Variants in GRIN2A observed in about 807,000 individuals in gnomAD.
GRIN2A encodes glutamate receptor ionotropic, NMDA 2A.
GRIN2A carries 22 observed loss-of-function variants against 113.4 expected under a neutral mutation model. That is an observed-to-expected ratio of 0.19 (90% CI 0.14 to 0.28). The LOEUF (loss-of-function observed/expected upper bound fraction) is 0.28, where lower values mean the gene tolerates loss of function less well. Ranked by LOEUF, GRIN2A falls within the 10% of genes least tolerant of loss-of-function variation. The pLI, the probability that GRIN2A is intolerant of heterozygous loss-of-function variation, is 1.00. For missense variants in GRIN2A, 1,502 were observed against 1,887.0 expected, an observed-to-expected ratio of 0.80 and a Z score of 3.78; for synonymous variants, 827 against 738.4, an observed-to-expected ratio of 1.12 and a Z score of -1.94.
At chr16:9,921,749 A>G (rs1460404800) in intron 3 of GRIN2A, among the ~76,000 whole-genome samples, 2 of 152,172 alleles carry the variant, frequency 1.3e-5, no homozygotes, top group East Asian at 1.9e-4. Context: ...ATCTTCATCA[A>G]TCATGATCAC....
chr16:9,772,410 C>T (rs1311343750), intron 11 of GRIN2A, among the ~76,000 whole-genome samples: 2 of 152,138 alleles, frequency 1.3e-5, no homozygotes, highest in African/African-American at 4.8e-5. Flanking sequence ...TCACTACAGT[C>T]GCCCAGGCTG....
chr16:9,917,098 A>G (rs2044268253), intron 3 of GRIN2A, among the ~76,000 whole-genome samples: 1 of 152,206 alleles, frequency 6.6e-6, no homozygotes, highest in Admixed American at 6.5e-5. Flanking sequence ...TTTGGCTGGA[A>G]TGACTTTTCT....
intron 2 of GRIN2A, among the ~76,000 whole-genome samples, chr16:10,077,695 T>A (rs911737234): frequency 6.6e-6 from 1 of 152,130 alleles, no homozygotes; most frequent in African/African-American, 2.4e-5. Context: ...TCTCCTTCCA[T>A]CCCCAAGCCA....
At chr16:10,046,300 A>G (rs900934928) in intron 2 of GRIN2A, among the ~76,000 whole-genome samples, 13 of 150,746 alleles carry the variant, frequency 8.6e-5, no homozygotes, top group African/African-American at 3.2e-4. Context: ...TGCAGCCAAT[A>G]AAAAAGGATG....
At chr16:9,858,143 T>C (rs148511978) in intron 4 of GRIN2A, among the ~76,000 whole-genome samples, 38 of 152,316 alleles carry the variant, frequency 2.5e-4, no homozygotes, top group African/African-American at 9.1e-4. Context: ...CCTGGGACTT[T>C]TGATGGAACT....
intron 4 of GRIN2A, among the ~76,000 whole-genome samples, chr16:9,871,254 C>T (rs529853935): frequency 6.6e-6 from 1 of 152,154 alleles, no homozygotes; most frequent in East Asian, 1.9e-4. Context: ...GTGAAAGAAC[C>T]AGAAACAGTT....
chr16:9,850,041 G>A (rs1298423196), intron 4 of GRIN2A, 80 bp from the exon 5 acceptor site: 13 of 1,217,372 alleles, frequency 1.1e-5, no homozygotes, highest in Non-Finnish European at 1.6e-5. Context: ...CCCTGCCAGA[G>A]ACATCCATCC....
At chr16:9,851,673 G>C (rs1460993126) in intron 4 of GRIN2A, among the ~76,000 whole-genome samples, 1 of 152,200 alleles carries the variant, frequency 6.6e-6, no homozygotes, top group East Asian at 1.9e-4. Context: ...CAGTGGGTAA[G>C]AGAATGGCTT....
chr16:10,028,088 T>C (rs1360007760), intron 2 of GRIN2A, among the ~76,000 whole-genome samples: 1 of 152,192 alleles, frequency 6.6e-6, no homozygotes, highest in Non-Finnish European at 1.5e-5. Flanking sequence ...ACATCATCCT[T>C]GATCAGTGAC....
At chr16:10,129,185 C>G (rs1442091110) in intron 2 of GRIN2A, among the ~76,000 whole-genome samples, 1 of 152,012 alleles carries the variant, frequency 6.6e-6, no homozygotes, top group East Asian at 1.9e-4. Context: ...AAGTGATCGT[C>G]CTACCTCAGC....
At chr16:10,134,213 A>T (rs2049138373) in intron 2 of GRIN2A, among the ~76,000 whole-genome samples, 1 of 135,480 alleles carries the variant, frequency 7.4e-6, no homozygotes. Context: ...AAAAAAAAAA[A>T]AAAATGGAGA....
At position 10,001,091 on chromosome 16, in the gene GRIN2A, C is replaced by T. The variant is rs973368436; in HGVS notation, c.415-62540G>A. Among the ~76,000 whole-genome samples, 3 of 152,124 alleles carry T rather than the reference C, an allele frequency of 2.0e-5. No homozygotes were observed. The South Asian group carries it at 6.2e-4, about 32-fold the overall frequency. On this transcript the variant is annotated intron_variant, in intron 2 of 12. Coordinates refer to ENST00000330684, the MANE Select transcript of GRIN2A (RefSeq NM_001134407.3). ...AGGTCAGCCTACCTTACCCGTGGGC[C>T]CCAATTGTCCTGGGCAAGTTACTTT...
chr16:9,834,675 C>G (rs925917318), intron 7 of GRIN2A, among the ~76,000 whole-genome samples: 6 of 152,220 alleles, frequency 3.9e-5, no homozygotes, highest in Non-Finnish European at 8.8e-5. Flanking sequence ...AGCCACTGCT[C>G]CTGGCCAGCC....
intron 2 of GRIN2A, among the ~76,000 whole-genome samples, chr16:10,006,073 T>C (rs1019283718): frequency 2.6e-5 from 4 of 152,196 alleles, no homozygotes; most frequent in African/African-American, 7.2e-5. Flanking sequence ...ACCTACTTCA[T>C]ATAAGAGAAA....
At chr16:9,946,163 C>A (rs1216580962) in intron 2 of GRIN2A, among the ~76,000 whole-genome samples, 4 of 152,144 alleles carry the variant, frequency 2.6e-5, no homozygotes, top group Non-Finnish European at 5.9e-5. Context: ...GAGATTCAGA[C>A]CCTTATTGTT....
intron 2 of GRIN2A, among the ~76,000 whole-genome samples, chr16:10,073,147 G>A (rs111305448): frequency 0.015 from 2,227 of 151,834 alleles, 54 homozygotes; most frequent in African/African-American, 0.051. Context: ...GTAGAGATGG[G>A]GTTTCACCAT....
chr16:10,144,105 G>T (rs1654153016), intron 2 of GRIN2A, among the ~76,000 whole-genome samples: 1 of 152,186 alleles, frequency 6.6e-6, no homozygotes, highest in Non-Finnish European at 1.5e-5. Context: ...GTACCCAGAA[G>T]TGGGATTGCT....
chr16:9,778,021 C>T (rs529050727), intron 11 of GRIN2A, among the ~76,000 whole-genome samples: 2 of 152,246 alleles, frequency 1.3e-5, no homozygotes, highest in African/African-American at 4.8e-5. Context: ...GCTGAGATCG[C>T]GCCATTGCAC....
At chr16:9,843,854 G>A (rs1218328197) in intron 5 of GRIN2A, among the ~76,000 whole-genome samples, 1 of 152,230 alleles carries the variant, frequency 6.6e-6, no homozygotes, top group Non-Finnish European at 1.5e-5. Flanking sequence ...CCAGAATGGA[G>A]GGGGTTGGGC....
Sources: allele counts gnomAD v4.1 joint callset (sites outside exome capture counted in the v4.1 genomes callset), GRCh38; gene constraint gnomAD v4.1.1; transcripts MANE v1.5; gene names NCBI Gene and HGNC (gene_info 2026-07-23, HGNC 2026-07-21).